The following FGD5 variants were observed in gnomAD, a reference collection of about 807,000 sequenced individuals.
The protein encoded by FGD5 is FYVE, RhoGEF and PH domain containing 5.
In FGD5, 28 loss-of-function variants were observed where a neutral mutation model predicts 133.4. That is an observed-to-expected ratio of 0.21 (90% CI 0.16 to 0.29). The LOEUF is 0.29. Among genes scored for constraint, FGD5 ranks in the 10% least tolerant of loss-of-function variants. The probability of loss-of-function intolerance (pLI) is 1.00; values close to 1 mark genes in which losing one functional copy is unlikely to be tolerated. For synonymous variants in FGD5, 810 were observed against 776.5 expected (o/e 1.04, Z -0.72); for missense variants, 1,858 against 1,895.2 (o/e 0.98, Z 0.36).
chr3:14,811,055 G>GT (rs61412659), intron 1 of FGD5, among the ~76,000 whole-genome samples: 1 of 152,042 alleles, frequency 6.6e-6, no homozygotes, highest in Non-Finnish European at 1.5e-5. Context: ...AGAACCGGGG[G>GT]TCCCCGTCCG....
chr3:14,833,998 A>G (rs1209830475), intron 1 of FGD5, among the ~76,000 whole-genome samples: 1 of 151,488 alleles, frequency 6.6e-6, no homozygotes, highest in Non-Finnish European at 1.5e-5. Context: ...TGGTTTTCTC[A>G]GTTTCTGTTG....
intron 1 of FGD5, among the ~76,000 whole-genome samples, chr3:14,856,794 G>A (rs1025446053): frequency 2.6e-5 from 4 of 152,112 alleles, no homozygotes; most frequent in Non-Finnish European, 5.9e-5. Flanking sequence ...AGAATATTTA[G>A]GGTTTTCTAT....
Position 14,922,932 on chromosome 3 carries a change from TG to T in FGD5, c.3808-110del. ...CACGCACAGCTCCATGATCAGAACC[TG>T]GGGCTCCCTAGGGGCAGTTGTGGGT... On this transcript the variant is annotated intron_variant, in intron 15 of 19. Coordinates refer to ENST00000285046, the MANE Select transcript of FGD5 (RefSeq NM_152536.4). This position sits in a 1 kb window ranked among gnomAD's most constrained non-coding sequence, Gnocchi z 4.1. 1 of 1,458,298 alleles carries T rather than the reference TG, an allele frequency of 6.9e-7. No homozygotes were observed. The highest frequency in any genetic ancestry group is 9.4e-7 in the Non-Finnish European group (1 of 1,059,146). The allele number at this position is 1,458,298 out of a possible 1,614,324, so 90.3% of individuals were successfully genotyped here.
intron 2 of FGD5, among the ~76,000 whole-genome samples, chr3:14,876,548 A>G (rs112517898): frequency 6.6e-6 from 1 of 152,146 alleles, no homozygotes; most frequent in Non-Finnish European, 1.5e-5. Flanking sequence ...AAATAAATAA[A>G]CCACCCTGTT....
intron 1 of FGD5, among the ~76,000 whole-genome samples, chr3:14,827,692 G>A (rs1257095098): frequency 6.6e-6 from 1 of 152,130 alleles, no homozygotes; most frequent in Non-Finnish European, 1.5e-5. Flanking sequence ...GAGCTTTCCT[G>A]GAACTTGCTA....
At chr3:14,852,334 C>T (rs1285483369) in intron 1 of FGD5, among the ~76,000 whole-genome samples, 2 of 152,110 alleles carry the variant, frequency 1.3e-5, no homozygotes, top group Non-Finnish European at 2.9e-5. Context: ...GAATCCAGAC[C>T]CAAAAAGCCT....
Position 14,821,534 on chromosome 3 carries a change from G to C in FGD5, c.2463G>C (p.Val821=). The C allele has an allele frequency of 6.2e-7, 1 of 1,613,696 alleles. No individual in the cohort carries two copies. Among genetic ancestry groups the C allele is most frequent in the Non-Finnish European group, 8.5e-7 (1 of 1,179,706 alleles). ...CAGCAAACGAAAATGATGGCTACGT[G>C]GACATGAGCAGCTTCAACGCCTTTG... ...LSTANENDGY[V]DMSSFNAFES... Residue 821 remains valine, a synonymous_variant, in exon 1 of 20, where the codon GTG becomes GTC. Coordinates refer to ENST00000285046, the MANE Select transcript of FGD5 (RefSeq NM_152536.4).
In FGD5 at chr3:14,897,618, A is replaced by G; in HGVS notation, c.2858A>G (p.His953Arg). Residue 953 changes from histidine to arginine, a missense_variant, in exon 5 of 20, where the codon CAC (histidine) becomes CGC (arginine). Physicochemically the swap from His to Arg is conservative, Grantham distance 29 (BLOSUM62 0). This residue lies in a region of FGD5 where 1,824 missense variants were observed against 1,848.9 expected (regional missense o/e 0.99). Transcript: ENST00000285046. ...GGCCTGAGTGAACTCCCAGCCATCC[A>G]CGACCTTCATCAAGGCATCCTGGAG... ...RQGLSELPAI[H>R]DLHQGILEEL... 1 of 1,606,762 alleles carries G rather than the reference A, an allele frequency of 6.2e-7. No individual in the cohort carries two copies.
chr3:14,843,686 CTTTT>C (rs71919787), intron 1 of FGD5, among the ~76,000 whole-genome samples: 81 of 48,232 alleles, frequency 1.7e-3, no homozygotes, highest in African/African-American at 6.6e-3. Flanking sequence ...CCCCAGGGTG[CTTTT>C]TTTTTTTTTT....
intron 17 of FGD5, among the ~76,000 whole-genome samples, chr3:14,925,830 C>T (rs1441588082): frequency 6.6e-6 from 1 of 152,140 alleles, no homozygotes; most frequent in Admixed American, 6.5e-5. Context: ...TCTGAAAAAC[C>T]ACTAGAGGGC....
intron 1 of FGD5, among the ~76,000 whole-genome samples, chr3:14,812,036 A>ATGTGTGTGTGTGTATGTATG (rs2036303638): frequency 6.8e-6 from 1 of 148,094 alleles, no homozygotes; most frequent in Non-Finnish European, 1.5e-5. Context: ...GTGTGTATGT[A>ATGTGTGTGTGTGTATGTATG]TGTGTGTGTG....
At chr3:14,911,251 A>C (rs2038443444) in intron 11 of FGD5, among the ~76,000 whole-genome samples, 2 of 152,192 alleles carry the variant, frequency 1.3e-5, no homozygotes, top group African/African-American at 4.8e-5. Flanking sequence ...TAGGCCTCCC[A>C]GGGGGATGGT....
intron 6 of FGD5, among the ~76,000 whole-genome samples, 174 bp from the exon 7 acceptor site, chr3:14,898,565 C>T (rs904185604): frequency 2.0e-5 from 3 of 151,996 alleles, no homozygotes; most frequent in Admixed American, 6.6e-5. Context: ...ACAGCAGGGC[C>T]GGGCTAATCC....
In FGD5 at chr3:14,922,444, A is replaced by G; in HGVS notation, c.3703A>G (p.Arg1235Gly). 6.4e-7 allele frequency: 1 copy of G among 1,570,054 alleles called. No individual in the cohort carries two copies. ...RERLGVSLGE[R>G]PPTLVPVTHV... Reference sequence around the variant, plus strand: ...GAGGCTGGGGGTTAGCCTTGGGGAGAGGCCCCCCACCCTGGTGCCTGTCAC... The same window carrying G: ...GAGGCTGGGGGTTAGCCTTGGGGAGGGGCCCCCCACCCTGGTGCCTGTCAC... Residue 1235 changes from arginine to glycine, a missense_variant, in exon 15 of 20, where the codon AGG (arginine) becomes GGG (glycine). Physicochemically the swap from Arg to Gly is moderately radical, Grantham distance 125. Transcript: ENST00000285046. The surrounding 1 kb of genome is among the most constrained non-coding windows in gnomAD (Gnocchi z 4.1).
intron 1 of FGD5, among the ~76,000 whole-genome samples, chr3:14,846,541 C>A (rs984884313): frequency 3.3e-5 from 5 of 152,246 alleles, no homozygotes; most frequent in Non-Finnish European, 7.3e-5. Flanking sequence ...TCCAGACACC[C>A]GGCCACAGGC....
intron 13 of FGD5, among the ~76,000 whole-genome samples, chr3:14,921,111 A>G (rs2038671517): frequency 6.6e-6 from 1 of 152,226 alleles, no homozygotes; most frequent in Admixed American, 6.5e-5. Context: ...AGTGGCCTTT[A>G]GCATGCCAGT....
chr3:14,871,670 A>G (rs1204299108), intron 2 of FGD5, among the ~76,000 whole-genome samples: 1 of 152,214 alleles, frequency 6.6e-6, no homozygotes, highest in Non-Finnish European at 1.5e-5. Context: ...GGGTACGTGT[A>G]TGCCTCACAC....
rs762619375 is a variant in FGD5, at chr3:14,830,990, G to GGAAGACACAATGTGAT, written c.2525+9394_2525+9395insGAAGACACAATGTGAT. Among the ~76,000 whole-genome samples, 50 of 152,208 alleles carry GGAAGACACAATGTGAT rather than the reference G, an allele frequency of 3.3e-4. 1 individual carries two copies. Among genetic ancestry groups the GGAAGACACAATGTGAT allele is most frequent in the Non-Finnish European group, 5.6e-4 (38 of 68,044 alleles). ...TAAAAAAATCAATGTGATACAAAGT[G>GGAAGACACAATGTGAT]ACTGGTGGAAGACACACTTTAGACA... On this transcript the variant is annotated intron_variant, in intron 1 of 19. Coordinates refer to ENST00000285046, the MANE Select transcript of FGD5 (RefSeq NM_152536.4).
At chr3:14,892,844 G>GAA (rs2038056569) in intron 4 of FGD5, among the ~76,000 whole-genome samples, 1 of 151,692 alleles carries the variant, frequency 6.6e-6, no homozygotes, top group African/African-American at 2.4e-5. Flanking sequence ...AAGAAAGAAA[G>GAA]AAAGAAAACT....
Sources: gnomAD v4.1 joint callset for allele counts (sites outside exome capture counted in the v4.1 genomes callset) on GRCh38, gnomAD v4.1.1 for gene constraint, gnomAD v4.1.1 regional missense constraint, Gnocchi (gnomAD v3.1) non-coding constraint, MANE v1.5 for transcripts, NCBI Gene and HGNC (gene_info 2026-07-23, HGNC 2026-07-21) for gene names.